The following CNTN4 variants were observed in gnomAD, a reference collection of about 807,000 sequenced individuals.
CNTN4 encodes contactin-4.
Under a neutral mutation model 122.5 loss-of-function variants are expected in CNTN4, and 77 were observed. The ratio of observed to expected loss-of-function variants is 0.63; its 90% CI spans 0.52 to 0.76. The LOEUF (loss-of-function observed/expected upper bound fraction) is 0.76, where lower values mean the gene tolerates loss of function less well. Among genes scored for constraint, CNTN4 ranks in the 30% least tolerant of loss-of-function variants. CNTN4 has a pLI of 0.00. For synonymous variants in CNTN4, 512 were observed against 447.0 expected (o/e 1.15, Z -1.83); for missense variants, 1,256 against 1,259.1 (o/e 1.00, Z 0.04).
At chr3:2,871,918 C>G (rs1052942242) in intron 8 of CNTN4, among the ~76,000 whole-genome samples, 5 of 152,070 alleles carry the variant, frequency 3.3e-5, no homozygotes, top group African/African-American at 1.2e-4. Context: ...AGTTATTTAT[C>G]CAGATATTTT....
chr3:2,685,159 C>G lies in CNTN4; in HGVS notation c.56-51056C>G, dbSNP rs551466025. On this transcript the variant is annotated intron_variant, in intron 4 of 24. Transcript: ENST00000418658. Reference sequence around the variant, plus strand: ...CATCTGGTCTTTAACCTAAAAATGTCCACATCAGGAATCATCTTTATCAGG... The same window carrying G: ...CATCTGGTCTTTAACCTAAAAATGTGCACATCAGGAATCATCTTTATCAGG... Among the ~76,000 whole-genome samples the G allele has an allele frequency of 7.9e-5, 12 of 152,146 alleles. No homozygotes were observed. The South Asian group carries it at 2.5e-3, about 32-fold the overall frequency.
chr3:2,654,966 G>C (rs926079720), intron 4 of CNTN4, among the ~76,000 whole-genome samples: 44 of 152,132 alleles, frequency 2.9e-4, no homozygotes, highest in African/African-American at 9.7e-4. Context: ...AGAACTTTCT[G>C]AATCCAGGTA....
chr3:3,043,660 C>T lies in CNTN4; in HGVS notation c.2767C>T (p.Gln923Ter). Residue 923 changes from glutamine to a stop codon, truncating the protein, a stop_gained, in exon 23 of 25, where the codon CAA (glutamine) becomes TAA (stop). Transcript: ENST00000418658. LOFTEE classifies it high-confidence loss of function. ...CTCCAAAATTATCCTGAATTGGGAT[C>T]AAGTGAAGGCCCTGGATAATGAGTC... ...SDSKIILNWDQVKALDNESEV... is the reference protein window; with the variant it reads ...SDSKIILNWD The T allele has an allele frequency of 6.2e-7, 1 of 1,614,012 alleles. No homozygotes were observed. The highest frequency in any genetic ancestry group is 1.1e-5 in the South Asian group (1 of 91,078).
In CNTN4 at chr3:2,432,646, G is replaced by GTA. The variant is rs927143631; in HGVS notation, c.-89+93421_-89+93422dup. On this transcript the variant is annotated intron_variant, in intron 3 of 24. Coordinates refer to ENST00000418658, the MANE Select transcript of CNTN4 (RefSeq NM_175607.3). ...TATATATATGTGTGTGTATGTATGT[G>GTA]TATATATATGTGTGTGTATATATAT... is the stretch of plus-strand genomic sequence containing the variant. 2.0e-4 allele frequency among the ~76,000 whole-genome samples: 30 copies of GTA among 150,970 alleles called. 3 individuals carry two copies. Among genetic ancestry groups the GTA allele is most frequent in the Admixed American group, 1.6e-3 (24 of 15,128 alleles).
At chr3:2,772,698 C>T in intron 6 of CNTN4, among the ~76,000 whole-genome samples, 1 of 152,160 alleles carries the variant, frequency 6.6e-6, no homozygotes, top group East Asian at 1.9e-4. Context: ...CTGTAGGATA[C>T]TCAGCAGTTG....
chr3:2,176,484 C>T (rs1229420427), intron 2 of CNTN4, among the ~76,000 whole-genome samples: 1 of 151,920 alleles, frequency 6.6e-6, no homozygotes, highest in Non-Finnish European at 1.5e-5. Flanking sequence ...CCATGGCTTC[C>T]TTGAGTCTAT....
chr3:2,196,781 G>A (rs1286932292), intron 2 of CNTN4, among the ~76,000 whole-genome samples: 1 of 151,508 alleles, frequency 6.6e-6, no homozygotes, highest in Non-Finnish European at 1.5e-5. Context: ...ACGGTGGCTC[G>A]CTCCTGTAAT....
intron 2 of CNTN4, among the ~76,000 whole-genome samples, chr3:2,101,633 C>A (rs1199924042): frequency 6.6e-6 from 1 of 152,066 alleles, no homozygotes; most frequent in Non-Finnish European, 1.5e-5. Flanking sequence ...GCAGGATTTA[C>A]TGCCTAGATT....
At chr3:2,270,881 A>G (rs539626458) in intron 2 of CNTN4, among the ~76,000 whole-genome samples, 3 of 152,254 alleles carry the variant, frequency 2.0e-5, no homozygotes, top group Non-Finnish European at 4.4e-5. Context: ...AATAATCATT[A>G]CCTATGTGAA....
chr3:2,291,322 A>G (rs1260113022), intron 2 of CNTN4, among the ~76,000 whole-genome samples: 1 of 152,140 alleles, frequency 6.6e-6, no homozygotes, highest in Non-Finnish European at 1.5e-5. Flanking sequence ...ATTCCAACCC[A>G]TATAGGAGAA....
chr3:2,287,671 A>G (rs1483655544), intron 2 of CNTN4, among the ~76,000 whole-genome samples: 2 of 49,908 alleles, frequency 4.0e-5, no homozygotes, highest in African/African-American at 6.3e-5. Flanking sequence ...GAAGAAGAAG[A>G]AGAAGAAGAA....
At chr3:2,673,308 G>T (rs1309649631) in intron 4 of CNTN4, among the ~76,000 whole-genome samples, 1 of 152,078 alleles carries the variant, frequency 6.6e-6, no homozygotes, top group South Asian at 2.1e-4. Flanking sequence ...TTACATCTGG[G>T]TCTAAGCCAG....
chr3:2,253,012 C>A (rs1017691814), intron 2 of CNTN4, among the ~76,000 whole-genome samples: 9 of 151,862 alleles, frequency 5.9e-5, no homozygotes, highest in African/African-American at 1.7e-4. Flanking sequence ...ATGAAAAAAA[C>A]CAATATGAAG....
chr3:2,930,106 C>T (rs2094506580), intron 13 of CNTN4, among the ~76,000 whole-genome samples: 1 of 152,154 alleles, frequency 6.6e-6, no homozygotes, highest in African/African-American at 2.4e-5. Flanking sequence ...TCTCCACCAC[C>T]CCTCCCTTCC....
At chr3:2,907,679 A>G (rs985053506) in intron 12 of CNTN4, among the ~76,000 whole-genome samples, 2 of 152,246 alleles carry the variant, frequency 1.3e-5, no homozygotes, top group Non-Finnish European at 2.9e-5. Flanking sequence ...TATAGAGGAG[A>G]TTCCTTTTAA....
At chr3:2,491,605 C>T (rs1273105392) in intron 3 of CNTN4, among the ~76,000 whole-genome samples, 1 of 152,208 alleles carries the variant, frequency 6.6e-6, no homozygotes, top group African/African-American at 2.4e-5. Flanking sequence ...TAGGCCCTCA[C>T]AGGCTGCAAA....
intron 2 of CNTN4, among the ~76,000 whole-genome samples, chr3:2,244,715 A>G (rs1411820062): frequency 1.3e-5 from 2 of 152,080 alleles, no homozygotes; most frequent in African/African-American, 4.8e-5. Context: ...TCCAGAGAAT[A>G]AAGTCATTAA....
chr3:2,328,995 A>G (rs1198836582), intron 2 of CNTN4, among the ~76,000 whole-genome samples: 2 of 152,216 alleles, frequency 1.3e-5, no homozygotes, highest in South Asian at 2.1e-4. Flanking sequence ...TGGGTTTTAA[A>G]CTAATTTTTG....
intron 4 of CNTN4, among the ~76,000 whole-genome samples, chr3:2,614,725 T>C (rs76169544): frequency 0.029 from 4,351 of 152,164 alleles, 193 homozygotes; most frequent in African/African-American, 0.1. Context: ...AGTTTTGTTT[T>C]GGTCCTATTG....
Sources: allele counts gnomAD v4.1 joint callset (sites outside exome capture counted in the v4.1 genomes callset), GRCh38; gene constraint gnomAD v4.1.1; transcripts MANE v1.5; gene names NCBI Gene and HGNC (gene_info 2026-07-23, HGNC 2026-07-21).